DLG5: variants seen among roughly 807,000 people sequenced by gnomAD.
The protein encoded by DLG5 is discs large MAGUK scaffold protein 5, also known as disks large homolog 5.
Under a neutral mutation model 189.8 loss-of-function variants are expected in DLG5, and 48 were observed. The observed-to-expected ratio is 0.25, with a 90% CI of 0.20 to 0.32. The LOEUF is 0.32. DLG5 is among the 10% of genes least tolerant of loss of function. The pLI, the probability that DLG5 is intolerant of heterozygous loss-of-function variation, is 1.00. For synonymous variants in DLG5, 1,016 were observed against 1,054.1 expected, an observed-to-expected ratio of 0.96 and a Z score of 0.70; for missense variants, 2,160 against 2,544.7, an observed-to-expected ratio of 0.85 and a Z score of 3.25.
intron 13 of DLG5, 41 bp from the exon 14 acceptor site, chr10:77,824,517 G>T: frequency 6.6e-7 from 1 of 1,507,974 alleles, no homozygotes. Context: ...CAGGCAGAGC[G>T]GCCTCAGGCC....
chr10:77,856,628 C>A, intron 3 of DLG5, 102 bp downstream of exon 3: 1 of 1,470,602 alleles, frequency 6.8e-7, no homozygotes, highest in Non-Finnish European at 9.3e-7. Context: ...GCAGCGCAGC[C>A]TGGACCCCCA....
rs756398740 is a variant in DLG5 at position 77,843,695 on chromosome 10, G to T, written c.876C>A (p.His292Gln). The T allele has an allele frequency of 6.2e-7, 1 of 1,614,092 alleles. No individual in the cohort carries two copies. Among genetic ancestry groups the T allele is most frequent in the Non-Finnish European group, 8.5e-7 (1 of 1,180,030 alleles). The change falls in exon 6 of 32, where the codon CAC becomes CAA. Residue 292 changes from histidine (H) to glutamine (Q), a missense_variant. Physicochemically the swap from His to Gln is conservative, Grantham distance 24. Transcript: ENST00000372391. ...TGTTGAGAATCTCGGATGACCCGTT[G>T]TGCTTCAACACCTGGAGACCAGACA... ...LRAQQQQVLKHNGSSEILNKL... is the reference protein window; with the variant it reads ...LRAQQQQVLKQNGSSEILNKL...
intron 27 of DLG5, among the ~76,000 whole-genome samples, chr10:77,802,868 C>G (rs1841285417): frequency 6.6e-6 from 1 of 152,148 alleles, no homozygotes; most frequent in Non-Finnish European, 1.5e-5. Flanking sequence ...CCATTGCACT[C>G]CGGCCTGGGC....
rs760071409 is a variant in DLG5 at position 77,830,764 on chromosome 10, C to T, written c.1858G>A (p.Val620Ile). ...DTDSMEWETE[V>I]VEFERETEDI... ...ACCGTCTCCCTCTCGAACTCTACAA[C>T]TTCCGTTTCCCACTCCATGGAATCC... The change falls in exon 10 of 32, where the codon GTT becomes ATT. Residue 620 changes from valine to isoleucine, a missense_variant. By Grantham distance (29) the Val-to-Ile change is conservative. Around this residue, in one of 5 missense-constraint regions of DLG5, gnomAD observed 664 missense variants for 838.5 expected, o/e 0.79. Transcript: ENST00000372391. The T allele has an allele frequency of 2.5e-6, 4 of 1,614,112 alleles. No homozygotes were observed. The highest frequency in any genetic ancestry group is 2.7e-5 in the African/African-American group (2 of 74,942).
In DLG5 at chr10:77,842,129, T is replaced by C; in HGVS notation, c.1189A>G (p.Met397Val). 6.2e-7 allele frequency: 1 copy of C among 1,611,838 alleles called. No individual in the cohort carries two copies. Among genetic ancestry groups the C allele is most frequent in the Non-Finnish European group, 8.5e-7 (1 of 1,180,016 alleles). Reference protein sequence around the residue: ...TAQNKDLQWEMELLQSELTEL... With the variant: ...TAQNKDLQWEVELLQSELTEL... ...GTCAGCTCTGACTGCAGCAGCTCCA[T>C]CTCCCACTGCAGGTCCTTGTTCTGC... Residue 397 changes from methionine (M) to valine (V), a missense_variant, in exon 7 of 32, where the codon ATG becomes GTG. By Grantham distance (21) the Met-to-Val change is conservative (BLOSUM62 1). Coordinates refer to ENST00000372391, the MANE Select transcript of DLG5 (RefSeq NM_004747.4).
intron 2 of DLG5, among the ~76,000 whole-genome samples, chr10:77,857,204 G>T (rs924858744): frequency 6.6e-6 from 1 of 152,136 alleles, no homozygotes; most frequent in Non-Finnish European, 1.5e-5. Flanking sequence ...TGTTTTGGCC[G>T]TGATCCTTGC....
At chr10:77,836,820 T>C (rs78280683) in intron 7 of DLG5, among the ~76,000 whole-genome samples, 7,150 of 152,182 alleles carry the variant, frequency 0.047, 305 homozygotes, top group East Asian at 0.25. Flanking sequence ...ATTCAAATCA[T>C]TTCAGTTTTG....
At chr10:77,852,882 C>T (rs1844050573) in intron 5 of DLG5, among the ~76,000 whole-genome samples, 1 of 152,096 alleles carries the variant, frequency 6.6e-6, no homozygotes, top group South Asian at 2.1e-4. Flanking sequence ...TGTATATGTG[C>T]CTGTGTGTAT....
chr10:77,864,090 C>T (rs987671560), intron 2 of DLG5, among the ~76,000 whole-genome samples: 1 of 152,204 alleles, frequency 6.6e-6, no homozygotes, highest in East Asian at 1.9e-4. Context: ...GAATCCTCAG[C>T]TCCTTCAGTT....
intron 1 of DLG5, among the ~76,000 whole-genome samples, chr10:77,898,377 G>C (rs1335496511): frequency 6.6e-6 from 1 of 152,244 alleles, no homozygotes; most frequent in Non-Finnish European, 1.5e-5. Flanking sequence ...CCACAGAGGG[G>C]AGCTGGGGAC....
intron 1 of DLG5, among the ~76,000 whole-genome samples, chr10:77,874,483 C>T (rs150881681): frequency 6.6e-6 from 1 of 152,220 alleles, no homozygotes; most frequent in African/African-American, 2.4e-5. Context: ...GAAAATTCCA[C>T]ACCTGACCTC....
At chr10:77,810,830 G>A (rs1841727893) in intron 23 of DLG5, among the ~76,000 whole-genome samples, 1 of 152,232 alleles carries the variant, frequency 6.6e-6, no homozygotes, top group Non-Finnish European at 1.5e-5. Flanking sequence ...GACTCAGAAA[G>A]CGAGTGAACA....
chr10:77,850,693 C>T (rs989391402), intron 5 of DLG5, among the ~76,000 whole-genome samples: 18 of 152,206 alleles, frequency 1.2e-4, no homozygotes, highest in African/African-American at 3.9e-4. Context: ...CAGATTTAAA[C>T]CCAGACTTGA....
At chr10:77,879,313 T>G (rs1414926310) in intron 1 of DLG5, among the ~76,000 whole-genome samples, 1 of 151,988 alleles carries the variant, frequency 6.6e-6, no homozygotes, top group African/African-American at 2.4e-5. Flanking sequence ...TGGAGGGACC[T>G]GGAGGAGGAT....
intron 1 of DLG5, among the ~76,000 whole-genome samples, chr10:77,879,832 T>A (rs1845220584): frequency 6.6e-6 from 1 of 151,390 alleles, no homozygotes; most frequent in South Asian, 2.1e-4. Flanking sequence ...AGTTGGGGAA[T>A]CATGAGTTCC....
At chr10:77,927,263 T>C (rs1409597502), upstream of DLG5, 1 of 152,114 alleles carries the variant, frequency 6.6e-6, no homozygotes, top group African/African-American at 2.4e-5. Context: ...CAGCCGGGGG[T>C]GGGGGACACG....
At chr10:77,793,802 C>G in intron 31 of DLG5, 1 of 591,270 alleles carries the variant, frequency 1.7e-6, no homozygotes, top group Non-Finnish European at 3.0e-6. Context: ...AGGCCAAGAT[C>G]GGTGAGCTTA....
chr10:77,920,247 A>G (rs1388932881), intron 1 of DLG5, among the ~76,000 whole-genome samples: 2 of 152,192 alleles, frequency 1.3e-5, no homozygotes, highest in Non-Finnish European at 2.9e-5. Context: ...TGGATTGTCA[A>G]ATAGCACAGT....
At chr10:77,842,341 A>G in intron 6 of DLG5, 148 bp from the exon 7 acceptor site, 2 of 1,021,812 alleles carry the variant, frequency 2.0e-6, no homozygotes, top group South Asian at 1.7e-5. Context: ...CCCAGGAGAG[A>G]AAAGTCATGG....
Sources: gnomAD v4.1 joint callset for allele counts (sites outside exome capture counted in the v4.1 genomes callset) on GRCh38, gnomAD v4.1.1 for gene constraint, gnomAD v4.1.1 regional missense constraint, MANE v1.5 for transcripts, NCBI Gene and HGNC (gene_info 2026-07-23, HGNC 2026-07-21) for gene names.